Variants in TXNDC11 observed in about 807,000 individuals in gnomAD.
The protein encoded by TXNDC11 is thioredoxin domain containing 11.
A neutral mutation model predicts 78.0 loss-of-function variants in TXNDC11; 68 were observed. The observed-to-expected ratio is 0.87, with a 90% CI of 0.72 to 1.07. The LOEUF is 1.07. Ranked by LOEUF, TXNDC11 falls within the 50% of genes least tolerant of loss-of-function variation. The probability of loss-of-function intolerance (pLI) is 0.00; values close to 1 mark genes in which losing one functional copy is unlikely to be tolerated. For missense variants in TXNDC11, 1,389 were observed against 1,221.8 expected (o/e 1.14, Z -2.04); for synonymous variants, 571 against 495.2 (o/e 1.15, Z -2.03).
chr16:11,738,905 T>TTA (rs1422076985), intron 1 of TXNDC11, among the ~76,000 whole-genome samples: 1 of 152,058 alleles, frequency 6.6e-6, no homozygotes, highest in African/African-American at 2.4e-5. Context: ...TGCACACCTG[T>TTA]AATCCCAGCC....
intron 5 of TXNDC11, among the ~76,000 whole-genome samples, chr16:11,715,193 A>G (rs1466886460): frequency 6.6e-6 from 1 of 152,222 alleles, no homozygotes; most frequent in Non-Finnish European, 1.5e-5. Context: ...CGGAGGTTGC[A>G]GTGAGCAGAG....
At chr16:11,694,605 G>A (rs2050810870) in intron 7 of TXNDC11, among the ~76,000 whole-genome samples, 2 of 151,312 alleles carry the variant, frequency 1.3e-5, no homozygotes, top group South Asian at 4.2e-4. Flanking sequence ...ACACCACCAT[G>A]CCTGGCTAAT....
intron 7 of TXNDC11, among the ~76,000 whole-genome samples, chr16:11,696,670 C>T (rs141978107): frequency 7.1e-4 from 108 of 152,346 alleles, no homozygotes; most frequent in African/African-American, 2.4e-3. Flanking sequence ...ACTCACCTCA[C>T]AGAGACAATG....
intron 7 of TXNDC11, among the ~76,000 whole-genome samples, chr16:11,695,691 G>T (rs565073142): frequency 6.6e-6 from 1 of 152,112 alleles, no homozygotes; most frequent in Admixed American, 6.6e-5. Flanking sequence ...CCAGAAAAAC[G>T]TTCGTAATGA....
chr16:11,699,295 T>C (rs1048747258), intron 6 of TXNDC11, among the ~76,000 whole-genome samples: 3 of 152,238 alleles, frequency 2.0e-5, no homozygotes, highest in African/African-American at 7.2e-5. Flanking sequence ...TCTTTCCCCA[T>C]CTACTTTTAA....
chr16:11,681,047 C>T (rs2050411686), intron 11 of TXNDC11, among the ~76,000 whole-genome samples: 1 of 152,148 alleles, frequency 6.6e-6, no homozygotes, highest in Non-Finnish European at 1.5e-5. Context: ...TGGCACACAC[C>T]TGTAGATCCA....
chr16:11,679,584 T>C lies in TXNDC11; in HGVS notation c.2488A>G (p.Ser830Gly), dbSNP rs777856109. The C allele has an allele frequency of 2.0e-5, 33 of 1,614,110 alleles. No individual in the cohort carries two copies. The highest frequency in any genetic ancestry group is 2.7e-5 in the Non-Finnish European group (32 of 1,180,026). Residue 830 changes from serine to glycine, a missense_variant, in exon 12 of 12, where the codon AGT (serine) becomes GGT (glycine). Coordinates refer to ENST00000283033, the MANE Select transcript of TXNDC11 (RefSeq NM_015914.7). This position sits in a 1 kb window ranked among gnomAD's most constrained non-coding sequence, Gnocchi z 4.6. The stretch of plus-strand genomic sequence containing the variant: ...AGCCGGTGCTCATCTCTGCGGGCAC[T>C]GGAGAGCTGGGACTCCACCTGCACT... ...AQVQVESQLS[S>G]ARRDEHRLRQ...
intron 5 of TXNDC11, among the ~76,000 whole-genome samples, chr16:11,711,923 C>G (rs1164629405): frequency 4.6e-5 from 7 of 152,220 alleles, no homozygotes. Context: ...ATCAGCTTAT[C>G]TGGTTCAACT....
rs755953943 is a variant in TXNDC11 at position 11,679,289 on chromosome 16, G to A, written c.2783C>T (p.Ser928Leu). Residue 928 changes from serine to leucine, a missense_variant, in exon 12 of 12, where the codon TCA becomes TTA. Physicochemically the swap from Ser to Leu is moderately radical, Grantham distance 145. Coordinates refer to ENST00000283033, the MANE Select transcript of TXNDC11 (RefSeq NM_015914.7). This position sits in a 1 kb window ranked among gnomAD's most constrained non-coding sequence, Gnocchi z 4.6. ...GCTGCCAGGGAGCTGGGGGGTGGCT[G>A]AGGGCTCAGGCTGCTTGGGGTGGAC... ...REVHPKQPEP[S>L]ATPQLPGSSP... The A allele has an allele frequency of 3.7e-6, 6 of 1,612,758 alleles. No individual in the cohort carries two copies. In the Admixed American group the frequency reaches 1.0e-4, roughly 27 times the overall value.
At chr16:11,705,422 G>A (rs2141044571) in intron 5 of TXNDC11, among the ~76,000 whole-genome samples, 1 of 152,342 alleles carries the variant, frequency 6.6e-6, no homozygotes, top group African/African-American at 2.4e-5. Context: ...AGACCAAAGA[G>A]AGGACGTGAT....
chr16:11,715,144 C>T (rs2051490829), intron 5 of TXNDC11, among the ~76,000 whole-genome samples: 3 of 151,860 alleles, frequency 2.0e-5, no homozygotes, highest in Non-Finnish European at 4.4e-5. Context: ...CCCAGCTACT[C>T]GAGAAGCTGA....
chr16:11,733,632 G>C (rs2052124370), intron 3 of TXNDC11, among the ~76,000 whole-genome samples: 1 of 152,180 alleles, frequency 6.6e-6, no homozygotes, highest in South Asian at 2.1e-4. Flanking sequence ...GCCTCCAGAT[G>C]AAACGATAAG....
chr16:11,683,128 A>G (rs1300518514), intron 11 of TXNDC11, among the ~76,000 whole-genome samples: 4 of 152,204 alleles, frequency 2.6e-5, no homozygotes, highest in Non-Finnish European at 5.9e-5. Flanking sequence ...AAGGGAGCAA[A>G]CATCCAGTGT....
At chr16:11,727,722 A>G (rs1429708307) in intron 4 of TXNDC11, among the ~76,000 whole-genome samples, 1 of 121,450 alleles carries the variant, frequency 8.2e-6, no homozygotes, top group African/African-American at 3.2e-5. Flanking sequence ...TTTAATTTTC[A>G]TCTTCTCTCT....
intron 4 of TXNDC11, among the ~76,000 whole-genome samples, chr16:11,729,261 C>T (rs764014883): frequency 6.6e-6 from 1 of 152,156 alleles, no homozygotes; most frequent in Non-Finnish European, 1.5e-5. Flanking sequence ...AGGGATCAGG[C>T]CCCAGTACCC....
chr16:11,726,490 G>A (rs1043279595), intron 4 of TXNDC11, among the ~76,000 whole-genome samples: 1 of 147,260 alleles, frequency 6.8e-6, no homozygotes, highest in South Asian at 2.2e-4. Flanking sequence ...TGAGGCAGGA[G>A]AATCACTTGA....
intron 1 of TXNDC11, among the ~76,000 whole-genome samples, chr16:11,741,055 G>A (rs960622054): frequency 6.6e-6 from 1 of 152,036 alleles, no homozygotes; most frequent in African/African-American, 2.4e-5. Flanking sequence ...AGTCAGGGCA[G>A]CCCCCACAAC....
chr16:11,734,149 G>T, intron 2 of TXNDC11, 70 bp from the exon 3 acceptor site: 2 of 1,057,876 alleles, frequency 1.9e-6, no homozygotes, highest in East Asian at 2.5e-5. Flanking sequence ...TTTAAAAGAT[G>T]AAATTTAAAA....
chr16:11,679,506 T>C lies in TXNDC11; in HGVS notation c.2566A>G (p.Ser856Gly), dbSNP rs779909697. 58 of 1,613,280 alleles carry C rather than the reference T, an allele frequency of 3.6e-5. No individual in the cohort carries two copies. In the African/African-American group the frequency reaches 6.8e-4, roughly 19 times the overall value. Reference protein sequence around the residue: ...EEQHSLLHAHSEQLQALYEQK... With the variant: ...EEQHSLLHAHGEQLQALYEQK... ...TCATAGAGGGCCTGCAGCTGCTCAC[T>C]GTGTGCGTGGAGCAGGCTGTGCTGC... Residue 856 changes from serine to glycine, a missense_variant, in exon 12 of 12, where the codon AGT (serine) becomes GGT (glycine). Ser to Gly is a moderately conservative substitution (Grantham distance 56, BLOSUM62 0). Coordinates refer to ENST00000283033, the MANE Select transcript of TXNDC11 (RefSeq NM_015914.7). The surrounding 1 kb of genome is among the most constrained non-coding windows in gnomAD (Gnocchi z 4.6).
Sources: gnomAD v4.1 joint callset for allele counts (sites outside exome capture counted in the v4.1 genomes callset) on GRCh38, gnomAD v4.1.1 for gene constraint, Gnocchi (gnomAD v3.1) non-coding constraint, MANE v1.5 for transcripts, NCBI Gene and HGNC (gene_info 2026-07-23, HGNC 2026-07-21) for gene names.